MYO3B: variants seen among roughly 807,000 people sequenced by gnomAD.
MYO3B encodes the protein myosin-IIIb.
A neutral mutation model predicts 174.6 loss-of-function variants in MYO3B; 156 were observed. The observed-to-expected ratio is 0.89, with a 90% CI of 0.78 to 1.02. The LOEUF (loss-of-function observed/expected upper bound fraction) is 1.02, where lower values mean the gene tolerates loss of function less well. Ranked by LOEUF, MYO3B falls within the 50% of genes least tolerant of loss-of-function variation. The probability of loss-of-function intolerance (pLI) is 0.00; values close to 1 mark genes in which losing one functional copy is unlikely to be tolerated. For missense variants in MYO3B, 1,632 were observed against 1,639.4 expected (o/e 1.00, Z 0.08); for synonymous variants, 563 against 569.1 (o/e 0.99, Z 0.15).
intron 32 of MYO3B, among the ~76,000 whole-genome samples, chr2:170,605,445 A>G (rs991144808): frequency 1.3e-5 from 2 of 152,162 alleles, no homozygotes; most frequent in African/African-American, 4.8e-5. Context: ...TTCCTACTTG[A>G]TATCTCCACT....
chr2:170,433,944 C>G (rs1398786039), intron 22 of MYO3B, among the ~76,000 whole-genome samples: 1 of 152,194 alleles, frequency 6.6e-6, no homozygotes, highest in Non-Finnish European at 1.5e-5. Context: ...CTCTTCCATC[C>G]TGCTCTGCCC....
At chr2:170,514,889 C>T (rs1318681552) in intron 28 of MYO3B, 32 bp from the exon 29 acceptor site, 2 of 1,595,944 alleles carry the variant, frequency 1.3e-6, no homozygotes, top group African/African-American at 1.3e-5. Context: ...GGGAGCATAA[C>T]CTTGAGAAAG....
chr2:170,588,929 A>G (rs543872379), intron 32 of MYO3B, among the ~76,000 whole-genome samples: 5 of 152,364 alleles, frequency 3.3e-5, no homozygotes, highest in African/African-American at 4.8e-5. Flanking sequence ...GAATTTGCCA[A>G]CGTTGCAAAA....
intron 7 of MYO3B, among the ~76,000 whole-genome samples, chr2:170,305,330 A>G (rs1434673015): frequency 6.6e-6 from 1 of 151,996 alleles, no homozygotes; most frequent in Non-Finnish European, 1.5e-5. Flanking sequence ...ATAGTACTAT[A>G]CTGTTTTAGT....
intron 32 of MYO3B, chr2:170,640,999 T>G (rs2105441601): frequency 6.6e-6 from 1 of 152,224 alleles, no homozygotes; most frequent in South Asian, 2.1e-4. Flanking sequence ...TTGAGAAATA[T>G]TCCCCTACAA....
At chr2:170,460,639 A>G (rs1449725843) in intron 23 of MYO3B, among the ~76,000 whole-genome samples, 3 of 152,132 alleles carry the variant, frequency 2.0e-5, no homozygotes, top group East Asian at 1.9e-4. Context: ...ATCACTCTGT[A>G]TGTGATTGCA....
At chr2:170,244,136 G>A (rs2093165256) in intron 7 of MYO3B, among the ~76,000 whole-genome samples, 1 of 152,166 alleles carries the variant, frequency 6.6e-6, no homozygotes, top group African/African-American at 2.4e-5. Context: ...TTTTGTGGTG[G>A]TTTTGTGCTC....
At chr2:170,530,375 G>A (rs1297154666) in intron 30 of MYO3B, among the ~76,000 whole-genome samples, 1 of 152,222 alleles carries the variant, frequency 6.6e-6, no homozygotes, top group Non-Finnish European at 1.5e-5. Flanking sequence ...TCCCGGGAGA[G>A]CTCTTTGTGT....
Position 170,463,361 on chromosome 2 carries a change from C to A in MYO3B, c.2731-7C>A. 1 of 1,612,682 alleles carries A rather than the reference C, an allele frequency of 6.2e-7. No homozygotes were observed. Among genetic ancestry groups the A allele is most frequent in the African/African-American group, 1.3e-5 (1 of 75,012 alleles). ...CTCAAACCACTTGCCTCCACCTATG[C>A]TTCCAGGTGGACACTCTGGAGGTGA... On this transcript the variant is annotated splice_region_variant and splice_polypyrimidine_tract_variant and intron_variant, in intron 23 of 34. Coordinates refer to ENST00000408978, the MANE Select transcript of MYO3B (RefSeq NM_138995.5).
chr2:170,639,318 A>G (rs916647691), intron 32 of MYO3B, among the ~76,000 whole-genome samples: 4 of 152,126 alleles, frequency 2.6e-5, no homozygotes, highest in African/African-American at 9.7e-5. Flanking sequence ...GGATTTTCCA[A>G]GTTGACACTT....
Position 170,653,281 on chromosome 2 carries a change from T to C in MYO3B, c.*160T>C, listed in dbSNP as rs1699123308. The C allele has an allele frequency of 3.8e-6, 3 of 795,922 alleles. No homozygotes were observed. Among genetic ancestry groups the C allele is most frequent in the East Asian group, 2.6e-5 (1 of 39,028 alleles). 49.3% of individuals were successfully genotyped at this position (795,922 alleles called of 1,614,324 possible). A position where few individuals can be genotyped will look rare whatever the true frequency, so the allele number is the denominator to read the frequency against. On this transcript the variant is annotated 3_prime_UTR_variant, in exon 35 of 35. Transcript: ENST00000408978. ...CACTTGCAGATTCCAAAACATCTTA[T>C]CCTATCCTCTACCACTCTCCCACAT...
chr2:170,182,589 G>A (rs1359224140), intron 1 of MYO3B, among the ~76,000 whole-genome samples: 1 of 145,918 alleles, frequency 6.9e-6, no homozygotes, highest in Non-Finnish European at 1.5e-5. Context: ...AAATTTTCAT[G>A]TTATGTGTTT....
chr2:170,634,483 G>T (rs1559183569), intron 32 of MYO3B, among the ~76,000 whole-genome samples: 1 of 151,846 alleles, frequency 6.6e-6, no homozygotes, highest in African/African-American at 2.4e-5. Flanking sequence ...ATGGATTAAA[G>T]ACTTACATGT....
intron 32 of MYO3B, among the ~76,000 whole-genome samples, chr2:170,547,527 A>G (rs1690602045): frequency 6.6e-6 from 1 of 152,192 alleles, no homozygotes; most frequent in Admixed American, 6.5e-5. Flanking sequence ...AAATGGTTAT[A>G]CTTTAGGCAT....
chr2:170,513,331 G>A (rs900420060), intron 28 of MYO3B, among the ~76,000 whole-genome samples: 1 of 152,202 alleles, frequency 6.6e-6, no homozygotes, highest in African/African-American at 2.4e-5. Flanking sequence ...TCTACTGGAG[G>A]TTCTGAGGGA....
At chr2:170,357,182 C>T (rs904209304) in intron 8 of MYO3B, among the ~76,000 whole-genome samples, 4 of 151,760 alleles carry the variant, frequency 2.6e-5, no homozygotes, top group African/African-American at 4.8e-5. Context: ...TGGCAGTCAC[C>T]TATAATCTCA....
At chr2:170,442,576 A>G (rs537415206) in intron 22 of MYO3B, among the ~76,000 whole-genome samples, 10 of 150,220 alleles carry the variant, frequency 6.7e-5, no homozygotes, top group Non-Finnish European at 7.4e-5. Context: ...CATAGTATAC[A>G]TGTGCTATGT....
At chr2:170,457,107 A>G (rs1683951805) in intron 23 of MYO3B, among the ~76,000 whole-genome samples, 1 of 152,204 alleles carries the variant, frequency 6.6e-6, no homozygotes, top group Non-Finnish European at 1.5e-5. Context: ...TAGTGCACTT[A>G]CCATGAATGG....
intron 7 of MYO3B, among the ~76,000 whole-genome samples, chr2:170,317,493 G>T (rs1344757227): frequency 1.3e-5 from 2 of 152,152 alleles, no homozygotes; most frequent in African/African-American, 2.4e-5. Context: ...CATGGAGTTA[G>T]GGCCATTTTG....
Sources: allele counts gnomAD v4.1 joint callset (sites outside exome capture counted in the v4.1 genomes callset), GRCh38; gene constraint gnomAD v4.1.1; transcripts MANE v1.5; gene names NCBI Gene and HGNC (gene_info 2026-07-23, HGNC 2026-07-21).